Variants in TNS1 observed in about 807,000 individuals in gnomAD.
The protein encoded by TNS1 is tensin 1, also known as tensin-1.
In TNS1, 62 loss-of-function variants were observed where a neutral mutation model predicts 168.6. The observed-to-expected ratio is 0.37, with a 90% CI of 0.30 to 0.45. The LOEUF (loss-of-function observed/expected upper bound fraction) is 0.45, where lower values mean the gene tolerates loss of function less well. TNS1 is among the 20% of genes least tolerant of loss of function. The pLI, the probability that TNS1 is intolerant of heterozygous loss-of-function variation, is 1.00. For missense variants in TNS1, 2,240 were observed against 2,339.4 expected (o/e 0.96, Z 0.88); for synonymous variants, 934 against 933.2 (o/e 1.00, Z -0.02).
chr2:217,887,986 A>G (rs1015363342), intron 12 of TNS1, among the ~76,000 whole-genome samples: 1 of 152,214 alleles, frequency 6.6e-6, no homozygotes, highest in Non-Finnish European at 1.5e-5. Context: ...TAGAGCCCAC[A>G]TGACCATGAT....
rs1958906503 is a variant in TNS1, at chr2:218,032,567, G to A, written c.156+1253C>T. Among the ~76,000 whole-genome samples, 1 of 152,182 alleles carries A rather than the reference G, an allele frequency of 6.6e-6. No homozygotes were observed. The highest frequency in any genetic ancestry group is 2.1e-4 in the South Asian group (1 of 4,834). ...GGCAGTGGGTGCGCCCTGGCAGGCA[G>A]CCCAGATGTCTGGGTAGCCACTGAC... On this transcript the variant is annotated intron_variant, in intron 1 of 1. Transcript: ENST00000649572. The surrounding 1 kb of genome is among the most constrained non-coding windows in gnomAD (Gnocchi z 4.0).
chr2:217,885,767 G>C lies in TNS1; in HGVS notation c.1093C>G (p.Leu365Val). 1 of 1,614,172 alleles carries C rather than the reference G, an allele frequency of 6.2e-7. No individual in the cohort carries two copies. Among genetic ancestry groups the C allele is most frequent in the Non-Finnish European group, 8.5e-7 (1 of 1,180,036 alleles). The part of the protein sequence containing the change: ...TSVCITIEPG[L>V]LLKGDILLKC... ...ACCAAGATGTCTCCCTTCAAGAGCA[G>C]TCCTGGCTCGATGGTGATGCAGACG... The change falls in exon 15 of 33, where the codon CTG (leucine) becomes GTG (valine). Residue 365 changes from leucine to valine, a missense_variant. Transcript: ENST00000682258.
chr2:217,911,795 C>T (rs1053350730), intron 4 of TNS1, among the ~76,000 whole-genome samples: 2 of 152,222 alleles, frequency 1.3e-5, no homozygotes, highest in African/African-American at 4.8e-5. Flanking sequence ...CAATGATCTC[C>T]AGGCAGTTCC....
intron 7 of TNS1, among the ~76,000 whole-genome samples, chr2:217,899,861 C>G (rs185944546): frequency 1.1e-3 from 162 of 152,358 alleles, no homozygotes; most frequent in Non-Finnish European, 2.1e-3. Flanking sequence ...GGCTTCAACT[C>G]TACTGCAGGG....
intron 3 of TNS1, among the ~76,000 whole-genome samples, chr2:217,974,064 G>A (rs1284720899): frequency 6.6e-6 from 1 of 152,202 alleles, no homozygotes; most frequent in Non-Finnish European, 1.5e-5. Flanking sequence ...CCATTTCGAT[G>A]AACATTCAAG....
At chr2:217,989,306 C>T (rs1958289446) in intron 2 of TNS1, among the ~76,000 whole-genome samples, 2 of 152,300 alleles carry the variant, frequency 1.3e-5, no homozygotes, top group Admixed American at 6.5e-5. Context: ...TTAAGTCCCA[C>T]TGGAAGCTGG....
chr2:217,851,165 T>C (rs894901570), intron 18 of TNS1, among the ~76,000 whole-genome samples: 3 of 149,464 alleles, frequency 2.0e-5, no homozygotes, highest in Non-Finnish European at 4.4e-5. Flanking sequence ...AATAAACACA[T>C]AACAGGCAGG....
intron 3 of TNS1, among the ~76,000 whole-genome samples, chr2:217,929,772 TC>T (rs1168871798): frequency 6.9e-6 from 1 of 145,444 alleles, no homozygotes. Flanking sequence ...TTCTTTCCCC[TC>T]CCTTCCACCA....
intron 18 of TNS1, chr2:217,850,670 A>G (rs1947366455): frequency 1.1e-6 from 1 of 943,498 alleles, no homozygotes; most frequent in South Asian, 5.0e-5. Context: ...CTCCGTTAGC[A>G]AGGAAAAAAG....
chr2:217,870,870 A>G (rs1424732323), intron 18 of TNS1, among the ~76,000 whole-genome samples: 1 of 152,212 alleles, frequency 6.6e-6, no homozygotes, highest in Admixed American at 6.5e-5. Flanking sequence ...AGAACAGTGC[A>G]AGCAGGTGGC....
Position 217,906,658 on chromosome 2 carries a change from C to A in TNS1, c.271-273G>T, listed in dbSNP as rs114825796. On this transcript the variant is annotated intron_variant, in intron 5 of 32. Transcript: ENST00000682258. The stretch of plus-strand genomic sequence containing the variant: ...GAGGCACAGACAGGCTCATGCCTTG[C>A]CCACAGTCACATAATTAGAACCTTG... Among the ~76,000 whole-genome samples, 1,501 of 152,260 alleles carry A rather than the reference C, an allele frequency of 9.9e-3. 23 individuals carry two copies. Among genetic ancestry groups the A allele is most frequent in the African/African-American group, 0.034 (1,420 of 41,536 alleles).
chr2:217,931,042 C>T (rs1956294447), intron 3 of TNS1, among the ~76,000 whole-genome samples: 1 of 152,158 alleles, frequency 6.6e-6, no homozygotes, highest in South Asian at 2.1e-4. Flanking sequence ...CTCAACAATG[C>T]CCACTGAGTG....
chr2:217,959,850 C>T (rs11892423), intron 3 of TNS1, among the ~76,000 whole-genome samples: 14,536 of 148,222 alleles, frequency 0.098, 1,263 homozygotes, highest in African/African-American at 0.24. Context: ...GGGGCCTCAG[C>T]TCTAGCCTCT....
intron 3 of TNS1, among the ~76,000 whole-genome samples, chr2:217,925,395 C>A (rs1022223158): frequency 3.3e-5 from 5 of 152,126 alleles, no homozygotes; most frequent in African/African-American, 1.2e-4. Flanking sequence ...TGTCCCCAGG[C>A]CACCAAGAAA....
intron 4 of TNS1, among the ~76,000 whole-genome samples, chr2:217,919,875 C>A (rs559903544): frequency 2.0e-5 from 3 of 152,204 alleles, no homozygotes; most frequent in Non-Finnish European, 4.4e-5. Flanking sequence ...AAGGAGATGC[C>A]GTGGCAGCCC....
intron 3 of TNS1, among the ~76,000 whole-genome samples, chr2:217,967,322 A>G (rs1559392466): frequency 4.6e-5 from 7 of 152,216 alleles, no homozygotes; most frequent in African/African-American, 1.4e-4. Context: ...CTCGGTCTCA[A>G]AAATAAATAA....
intron 18 of TNS1, chr2:217,859,760 G>A (rs918374447): frequency 4.7e-5 from 63 of 1,344,502 alleles, no homozygotes; most frequent in Admixed American, 2.0e-4. Context: ...CCTCACCCTC[G>A]TTCCCAACCA....
chr2:217,915,765 C>A (rs923666763), intron 4 of TNS1, among the ~76,000 whole-genome samples: 2 of 152,206 alleles, frequency 1.3e-5, no homozygotes, highest in Non-Finnish European at 2.9e-5. Flanking sequence ...CCTGCCACTG[C>A]GAGCTGTGTG....
intron 3 of TNS1, among the ~76,000 whole-genome samples, chr2:217,963,224 G>T (rs1182889751): frequency 6.6e-6 from 1 of 152,190 alleles, no homozygotes; most frequent in Non-Finnish European, 1.5e-5. Flanking sequence ...CAGACTAAGA[G>T]GGCAGAGGAG....
Sources: allele counts gnomAD v4.1 joint callset (sites outside exome capture counted in the v4.1 genomes callset), GRCh38; gene constraint gnomAD v4.1.1; non-coding constraint Gnocchi (gnomAD v3.1); transcripts MANE v1.5; gene names NCBI Gene and HGNC (gene_info 2026-07-23, HGNC 2026-07-21).